UBA2: variants seen among roughly 807,000 people sequenced by gnomAD.
UBA2 encodes the protein ubiquitin like modifier activating enzyme 2.
Under a neutral mutation model 77.2 loss-of-function variants are expected in UBA2, and 11 were observed. That is an observed-to-expected ratio of 0.14 (90% CI 0.09 to 0.24). The LOEUF (loss-of-function observed/expected upper bound fraction) is 0.24, where lower values mean the gene tolerates loss of function less well. Ranked by LOEUF, UBA2 falls within the 10% of genes least tolerant of loss-of-function variation. The probability of loss-of-function intolerance (pLI) is 1.00; values close to 1 mark genes in which losing one functional copy is unlikely to be tolerated. For missense variants in UBA2, 487 were observed against 781.7 expected, an observed-to-expected ratio of 0.62 and a Z score of 4.50; for synonymous variants, 278 against 276.7, an observed-to-expected ratio of 1.00 and a Z score of -0.05.
In UBA2 at chr19:34,431,890, C is replaced by T. The variant is rs774583903; in HGVS notation, c.252C>T (p.Tyr84=). The change falls in exon 3 of 17, where the codon TAC becomes TAT. Residue 84 remains tyrosine (Y), a synonymous_variant. Transcript: ENST00000246548. ...CCAAGGAAAGTGTACTGCAGTTTTA[C>T]CCGAAAGCTAATATCGTTGCCTACC... ...QVAKESVLQF[Y]PKANIVAYHD... The T allele has an allele frequency of 6.8e-6, 11 of 1,613,882 alleles. No individual in the cohort carries two copies. The highest frequency in any genetic ancestry group is 3.3e-4 in the Middle Eastern group (2 of 6,060).
intron 8 of UBA2, among the ~76,000 whole-genome samples, chr19:34,448,819 A>G (rs2075460125): frequency 6.6e-6 from 1 of 152,182 alleles, no homozygotes; most frequent in Non-Finnish European, 1.5e-5. Flanking sequence ...ACCACAGAGG[A>G]CAGAATGAAA....
At chr19:34,468,732 C>G (rs916650806) in intron 16 of UBA2, among the ~76,000 whole-genome samples, 6 of 152,182 alleles carry the variant, frequency 3.9e-5, no homozygotes, top group African/African-American at 9.7e-5. Context: ...ACCACTACTA[C>G]CATTATTAGA....
At chr19:34,454,417 A>G (rs766354987) in intron 11 of UBA2, 27 bp from the exon 12 acceptor site, 13 of 1,570,436 alleles carry the variant, frequency 8.3e-6, no homozygotes, top group South Asian at 8.2e-5. Flanking sequence ...ACAGTGAAAC[A>G]TACTCATCCT....
intron 9 of UBA2, among the ~76,000 whole-genome samples, chr19:34,451,536 GTTTTTTTTTTTTTTTTTT>G (rs773178552): frequency 1.6e-5 from 1 of 62,944 alleles, no homozygotes; most frequent in South Asian, 7.2e-4. Flanking sequence ...AGGTTTAACA[GTTTTTTTTTTTTTTTTTT>G]TTTTTTTTTT....
chr19:34,428,437 C>T lies in UBA2; in HGVS notation c.5C>T (p.Ala2Val), dbSNP rs1156254405. Residue 2 changes from alanine (A) to valine (V), a missense_variant, in exon 1 of 17, where the codon GCA becomes GTA. By Grantham distance (64) the Ala-to-Val change is moderately conservative. Around this residue, in one of 9 missense-constraint regions of UBA2, gnomAD observed 30 missense variants for 27.4 expected, o/e 1.09. Transcript: ENST00000246548. M[A>V]LSRGLPRELA... ...GCGGCTCGTGGTTGTCCCGCCATGGCACTGTCGCGGGGGCTGCCCCGGGAG... is the reference window on the plus strand; with the variant it reads ...GCGGCTCGTGGTTGTCCCGCCATGGTACTGTCGCGGGGGCTGCCCCGGGAG... 10 of 1,269,572 alleles carry T rather than the reference C, an allele frequency of 7.9e-6. No individual in the cohort carries two copies. Among genetic ancestry groups the T allele is most frequent in the Non-Finnish European group, 8.0e-6 (8 of 1,005,254 alleles). 78.6% of individuals were successfully genotyped at this position (1,269,572 alleles called of 1,614,324 possible).
chr19:34,470,941 TTCC>T lies in UBA2; in HGVS notation c.*1725_*1727del, dbSNP rs1285381612. On this transcript the variant is annotated 3_prime_UTR_variant, in exon 17 of 17. Coordinates refer to ENST00000246548, the MANE Select transcript of UBA2 (RefSeq NM_005499.3). ...ATTTGAGATGCTGGAAAGGGAGTCC[TTCC>T]TCCTTTCTGCAGTGTTTGTCTGGGT... 6.6e-6 allele frequency: 1 copy of T among 152,252 alleles called. No homozygotes were observed. Among genetic ancestry groups the T allele is most frequent in the African/African-American group, 2.4e-5 (1 of 41,464 alleles). 9.4% of individuals were successfully genotyped at this position (152,252 alleles called of 1,614,324 possible). A position where few individuals can be genotyped will look rare whatever the true frequency, so the allele number is the denominator to read the frequency against.
intron 4 of UBA2, 70 bp downstream of exon 4, chr19:34,433,482 T>C (rs2075277334): frequency 9.5e-7 from 1 of 1,058,116 alleles, no homozygotes; most frequent in East Asian, 2.4e-5. Flanking sequence ...TTTACAAATT[T>C]AATATTTATT....
intron 12 of UBA2, among the ~76,000 whole-genome samples, chr19:34,458,558 C>CAAAAAAAAAAAA (rs60349858): frequency 3.3e-5 from 2 of 60,616 alleles, no homozygotes; most frequent in African/African-American, 1.6e-4. Flanking sequence ...GACTCCGTCT[C>CAAAAAAAAAAAA]AAAAAAAAAA....
At position 34,471,130 on chromosome 19, in the gene UBA2, G is replaced by A. The variant is rs1200655645; in HGVS notation, c.*1909G>A. On this transcript the variant is annotated 3_prime_UTR_variant, in exon 17 of 17. Coordinates refer to ENST00000246548, the MANE Select transcript of UBA2 (RefSeq NM_005499.3). ...AGGGTACTCTTATCACTCAGAGATG[G>A]GCCTTGAGTTTTCAGAGAACAGAAA... 6.6e-6 allele frequency: 1 copy of A among 152,162 alleles called. No individual in the cohort carries two copies. 9.4% of individuals were successfully genotyped at this position (152,162 alleles called of 1,614,324 possible).
intron 1 of UBA2, 138 bp from the exon 2 acceptor site, chr19:34,430,438 T>C (rs560828724): frequency 2.0e-6 from 1 of 498,596 alleles, no homozygotes; most frequent in East Asian, 3.0e-5. Flanking sequence ...TTAACAATTT[T>C]GGTATGGCGA....
At chr19:34,446,591 T>C (rs2075432999) in intron 8 of UBA2, among the ~76,000 whole-genome samples, 1 of 151,104 alleles carries the variant, frequency 6.6e-6, no homozygotes, top group East Asian at 2.0e-4. Context: ...AGATGTCACA[T>C]GTTGACTTTT....
rs1260488318 is a variant in UBA2 at position 34,460,453 on chromosome 19, T to C, written c.1402-17T>C. The C allele has an allele frequency of 5.7e-6, 5 of 870,412 alleles. No individual in the cohort carries two copies. Among genetic ancestry groups the C allele is most frequent in the South Asian group, 2.6e-5 (1 of 39,024 alleles). The allele number at this position is 870,412 out of a possible 1,614,324, so 53.9% of individuals were successfully genotyped here. A position where few individuals can be genotyped will look rare whatever the true frequency, so the allele number is the denominator to read the frequency against. On this transcript the variant is annotated splice_polypyrimidine_tract_variant and intron_variant, in intron 13 of 16. Coordinates refer to ENST00000246548, the MANE Select transcript of UBA2 (RefSeq NM_005499.3). ...TACCTACGTTAATATTTTGAATCCTTTTTTTTTTTTTTGTAGATAGTGAAA... is the reference window on the plus strand; with the variant it reads ...TACCTACGTTAATATTTTGAATCCTCTTTTTTTTTTTTGTAGATAGTGAAA...
rs995715595 is a variant in UBA2 at position 34,470,183 on chromosome 19, C to A, written c.*962C>A. On this transcript the variant is annotated 3_prime_UTR_variant, in exon 17 of 17. Coordinates refer to ENST00000246548, the MANE Select transcript of UBA2 (RefSeq NM_005499.3). ...CTAAGGCAGCAGAATTGCTTGAACC[C>A]GGGAGGCAGAGGTTGCAGTGAGCCA... is the stretch of plus-strand genomic sequence containing the variant. 2 of 152,086 alleles carry A rather than the reference C, an allele frequency of 1.3e-5. No homozygotes were observed. Among genetic ancestry groups the A allele is most frequent in the African/African-American group, 4.8e-5 (2 of 41,402 alleles). The allele number at this position is 152,086 out of a possible 1,614,324, so 9.4% of individuals were successfully genotyped here.
At chr19:34,454,134 C>A in intron 10 of UBA2, 126 bp from the exon 11 acceptor site, 1 of 868,886 alleles carries the variant, frequency 1.2e-6, no homozygotes, top group Non-Finnish European at 1.8e-6. Flanking sequence ...GTCTTTCCCT[C>A]AGCAACCTCT....
At chr19:34,449,551 A>T (rs2075469991) in intron 8 of UBA2, among the ~76,000 whole-genome samples, 1 of 152,270 alleles carries the variant, frequency 6.6e-6, no homozygotes, top group South Asian at 2.1e-4. Context: ...GGTACCAGCA[A>T]TAAATGTGTT....
At chr19:34,464,233 A>T in intron 15 of UBA2, 102 bp downstream of exon 15, 1 of 773,304 alleles carries the variant, frequency 1.3e-6, no homozygotes, top group Non-Finnish European at 2.2e-6. Context: ...CCTGCTGTTC[A>T]TTTGAAACTG....
chr19:34,449,155 C>T (rs1376902344), intron 8 of UBA2, among the ~76,000 whole-genome samples: 1 of 149,818 alleles, frequency 6.7e-6, no homozygotes, highest in Non-Finnish European at 1.5e-5. Flanking sequence ...CTGCACTCTC[C>T]GCCTCCCAGG....
intron 16 of UBA2, among the ~76,000 whole-genome samples, chr19:34,468,620 A>T (rs962851284): frequency 4.6e-5 from 7 of 152,138 alleles, no homozygotes; most frequent in Admixed American, 2.0e-4. Context: ...TACTCATGTG[A>T]TCTTCTTTAT....
chr19:34,465,748 A>G (rs1357562824), intron 15 of UBA2, among the ~76,000 whole-genome samples: 1 of 152,166 alleles, frequency 6.6e-6, no homozygotes, highest in African/African-American at 2.4e-5. Context: ...GACACTAGAT[A>G]TAAGTGGCAT....
Sources: gnomAD v4.1 joint callset for allele counts (sites outside exome capture counted in the v4.1 genomes callset) on GRCh38, gnomAD v4.1.1 for gene constraint, gnomAD v4.1.1 regional missense constraint, MANE v1.5 for transcripts, NCBI Gene and HGNC (gene_info 2026-07-23, HGNC 2026-07-21) for gene names.